Variants in EDA observed in about 807,000 individuals in gnomAD.
EDA encodes the protein ectodysplasin-A.
A neutral mutation model predicts 23.6 loss-of-function variants in EDA; 2 were observed. The observed-to-expected ratio is 0.08, with a 90% confidence interval of 0.03 to 0.27. EDA has a LOEUF of 0.27. Among genes scored for constraint, EDA ranks in the 10% least tolerant of loss-of-function variants. The probability of loss-of-function intolerance (pLI) is 1.00; values close to 1 mark genes in which losing one functional copy is unlikely to be tolerated. For missense variants in EDA, 229 were observed against 324.2 expected, an observed-to-expected ratio of 0.71 and a Z score of 2.26; for synonymous variants, 131 against 132.0, an observed-to-expected ratio of 0.99 and a Z score of 0.05.
chrX:69,909,720 T>C (rs186913571), intron 1 of EDA, among the ~76,000 whole-genome samples: 2 of 112,755 alleles, frequency 1.8e-5, no homozygotes, highest in East Asian at 5.5e-4. Context: ...AATATTTATT[T>C]TGAAAAAGTG....
Position 69,878,715 on chromosome X carries a change from G to GACACACAC in EDA, c.397-78285_397-78278dup, listed in dbSNP as rs61027280. 1.9e-4 allele frequency among the ~76,000 whole-genome samples: 19 copies of GACACACAC among 99,120 alleles called. No individual in the cohort carries two copies. The East Asian group carries it at 2.4e-3, about 12-fold the overall frequency. The allele number at this position is 99,120 out of a possible 115,157, so 86.1% of individuals were successfully genotyped here. ...AAATACAGCCCCTCACCTTCACCAA[G>GACACACAC]ACACACACACACACACACACACACA... On this transcript the variant is annotated intron_variant, in intron 1 of 7. Coordinates refer to ENST00000374552, the MANE Select transcript of EDA (RefSeq NM_001399.5).
chrX:69,693,441 G>A (rs935009048), intron 1 of EDA, among the ~76,000 whole-genome samples: 9 of 111,140 alleles, frequency 8.1e-5, no homozygotes, highest in African/African-American at 1.3e-4. Flanking sequence ...ATATACTATC[G>A]TTACTATAAT....
chrX:69,692,136 G>A (rs1282505969), intron 1 of EDA, among the ~76,000 whole-genome samples: 1 of 111,614 alleles, frequency 9.0e-6, no homozygotes, highest in Non-Finnish European at 1.9e-5. Context: ...CTGAAATGAG[G>A]AAGATGTTAT....
intron 1 of EDA, among the ~76,000 whole-genome samples, chrX:69,929,706 T>TTTTG (rs2018570957): frequency 1.2e-5 from 1 of 84,332 alleles, no homozygotes. Flanking sequence ...CATTCTATTT[T>TTTTG]TGTGTGTGTG....
At chrX:69,775,222 T>G (rs1377774305) in intron 1 of EDA, among the ~76,000 whole-genome samples, 2 of 111,757 alleles carry the variant, frequency 1.8e-5, no homozygotes, top group African/African-American at 6.5e-5. Flanking sequence ...TGCCCCAATG[T>G]TGTTCATGTT....
intron 1 of EDA, among the ~76,000 whole-genome samples, chrX:69,685,423 A>G (rs957200119): frequency 9.0e-6 from 1 of 111,677 alleles, no homozygotes. Context: ...CTGGGCCTTT[A>G]TGATATAGAA....
intron 1 of EDA, among the ~76,000 whole-genome samples, chrX:69,919,631 C>T (rs1320058207): frequency 2.7e-5 from 3 of 111,838 alleles, no homozygotes; most frequent in African/African-American, 9.7e-5. Context: ...TACAAGAGCC[C>T]TTCCTTTTGG....
chrX:70,027,560 C>T (rs1321685673), intron 3 of EDA, among the ~76,000 whole-genome samples: 9 of 111,816 alleles, frequency 8.0e-5, no homozygotes, highest in African/African-American at 2.0e-4. Flanking sequence ...CGGTGGCTCA[C>T]GCCTGTAATC....
intron 1 of EDA, among the ~76,000 whole-genome samples, chrX:69,617,940 A>G (rs1602223952): frequency 1.8e-5 from 2 of 108,300 alleles, no homozygotes; most frequent in African/African-American, 3.4e-5. Context: ...AAAAAAAAAG[A>G]TGTGCATTGT....
At chrX:69,811,951 A>G (rs1009596917) in intron 1 of EDA, among the ~76,000 whole-genome samples, 2 of 111,623 alleles carry the variant, frequency 1.8e-5, no homozygotes, top group African/African-American at 6.5e-5. Context: ...ATGTGGGACA[A>G]AAAGGGGAAG....
intron 1 of EDA, among the ~76,000 whole-genome samples, chrX:69,899,932 G>A (rs1169179080): frequency 9.0e-6 from 1 of 111,179 alleles, no homozygotes; most frequent in African/African-American, 3.3e-5. Flanking sequence ...AGACTGCCCG[G>A]ATTTGAATCA....
chrX:69,635,988 T>G (rs1932766446), intron 1 of EDA, among the ~76,000 whole-genome samples: 1 of 110,496 alleles, frequency 9.1e-6, no homozygotes, highest in Admixed American at 9.7e-5. Context: ...GTCTGAAATA[T>G]ATGCTCTTTG....
intron 1 of EDA, among the ~76,000 whole-genome samples, chrX:69,677,459 T>G (rs1934140939): frequency 9.0e-6 from 1 of 111,399 alleles, no homozygotes; most frequent in Non-Finnish European, 1.9e-5. Context: ...TGTAAAAGTG[T>G]TCCTATTTCT....
At chrX:69,837,887 C>T (rs1483722758) in intron 1 of EDA, among the ~76,000 whole-genome samples, 1 of 112,325 alleles carries the variant, frequency 8.9e-6, no homozygotes. Context: ...AGAACTGATC[C>T]CAATATGATC....
chrX:69,923,382 A>G (rs1288842502), intron 1 of EDA, among the ~76,000 whole-genome samples: 1 of 110,570 alleles, frequency 9.0e-6, no homozygotes, highest in Non-Finnish European at 1.9e-5. Flanking sequence ...GAGTGAGAAC[A>G]TGAGGTGTTT....
intron 1 of EDA, among the ~76,000 whole-genome samples, chrX:69,702,978 C>A (rs1305384207): frequency 1.8e-5 from 2 of 109,075 alleles, no homozygotes; most frequent in Admixed American, 9.8e-5. Context: ...ATGAGGCAGC[C>A]TAGAGGGCTG....
chrX:69,677,519 T>G (rs866252351), intron 1 of EDA, among the ~76,000 whole-genome samples: 1 of 111,580 alleles, frequency 9.0e-6, no homozygotes, highest in Non-Finnish European at 1.9e-5. Flanking sequence ...ATGATCGCCA[T>G]TCTAACTGGT....
rs1384793205 is a variant in EDA at position 69,888,995 on chromosome X, T to G, written c.397-68032T>G. ...TGGGGTAGTTATATATATATATATA[T>G]ATATATATATATATATATATATATA... On this transcript the variant is annotated intron_variant, in intron 1 of 7. Coordinates refer to ENST00000374552, the MANE Select transcript of EDA (RefSeq NM_001399.5). Among the ~76,000 whole-genome samples the G allele has an allele frequency of 9.6e-5, 6 of 62,766 alleles. 1 individual carries two copies. Among genetic ancestry groups the G allele is most frequent in the Non-Finnish European group, 1.2e-4 (4 of 33,286 alleles). 54.5% of individuals were successfully genotyped at this position (62,766 alleles called of 115,157 possible).
At chrX:69,704,603 G>A (rs1214057627) in intron 1 of EDA, among the ~76,000 whole-genome samples, 1 of 109,231 alleles carries the variant, frequency 9.2e-6, no homozygotes, top group African/African-American at 3.3e-5. Flanking sequence ...GGAGTGGGGG[G>A]AGTGGGTGGG....
Sources: gnomAD v4.1 joint callset for allele counts (sites outside exome capture counted in the v4.1 genomes callset) on GRCh38, gnomAD v4.1.1 for gene constraint, MANE v1.5 for transcripts, NCBI Gene and HGNC (gene_info 2026-07-23, HGNC 2026-07-21) for gene names.